SMYD1: variants seen among roughly 807,000 people sequenced by gnomAD.
The protein encoded by SMYD1 is histone-lysine N-methyltransferase SMYD1.
SMYD1 carries 49 observed loss-of-function variants against 54.0 expected under a neutral mutation model. The ratio of observed to expected loss-of-function variants is 0.91; its 90% CI spans 0.72 to 1.15. The LOEUF (loss-of-function observed/expected upper bound fraction) is 1.15. SMYD1 is among the 50% of genes most tolerant of loss of function. SMYD1 has a pLI of 0.00. For missense variants in SMYD1, 653 were observed against 639.6 expected (o/e 1.02, Z -0.23); for synonymous variants, 269 against 234.2 (o/e 1.15, Z -1.36).
chr2:88,073,819 A>AT (rs1446979120), intron 1 of SMYD1, among the ~76,000 whole-genome samples: 1 of 152,148 alleles, frequency 6.6e-6, no homozygotes, highest in Non-Finnish European at 1.5e-5. Flanking sequence ...TTTAACTTGA[A>AT]TTTTTTATTA....
At chr2:88,098,742 C>G (rs760671344) in intron 6 of SMYD1, among the ~76,000 whole-genome samples, 44 of 152,176 alleles carry the variant, frequency 2.9e-4, no homozygotes, top group Admixed American at 9.2e-4. Flanking sequence ...CCTCAGTTTC[C>G]TCATCTGTAA....
rs370679886 is a variant in SMYD1, at chr2:88,112,845, A to C, written c.*2333A>C. The C allele has an allele frequency of 6.6e-6, 1 of 152,290 alleles. No homozygotes were observed. The highest frequency in any genetic ancestry group is 1.9e-4 in the East Asian group (1 of 5,166). The allele number at this position is 152,290 out of a possible 1,614,324, so 9.4% of individuals were successfully genotyped here. A position where few individuals can be genotyped will look rare whatever the true frequency, so the allele number is the denominator to read the frequency against. On this transcript the variant is annotated 3_prime_UTR_variant, in exon 10 of 10. Transcript: ENST00000419482. The stretch of plus-strand genomic sequence containing the variant: ...GGTCCTTTTTCTTTCCCTGCCCCTG[A>C]CATATTGACATTTCCTGGAGTTGGT...
At chr2:88,084,144 C>A (rs1674263692) in intron 1 of SMYD1, among the ~76,000 whole-genome samples, 172 bp from the exon 2 acceptor site, 1 of 152,104 alleles carries the variant, frequency 6.6e-6, no homozygotes, top group Non-Finnish European at 1.5e-5. Flanking sequence ...ATTGTTATAG[C>A]TGGGAAGGGC....
chr2:88,094,445 T>C (rs1674530937), intron 5 of SMYD1, among the ~76,000 whole-genome samples: 1 of 151,976 alleles, frequency 6.6e-6, no homozygotes, highest in Non-Finnish European at 1.5e-5. Flanking sequence ...GTAGAAGGGG[T>C]CTGGGGTCCA....
intron 1 of SMYD1, among the ~76,000 whole-genome samples, chr2:88,073,892 C>T (rs1396305688): frequency 1.3e-5 from 2 of 152,020 alleles, no homozygotes; most frequent in Non-Finnish European, 2.9e-5. Context: ...TTTTGATGCC[C>T]TCAATTTTTA....
Position 88,110,511 on chromosome 2 carries a change from G to A in SMYD1, c.1472G>A (p.Ter491=). 1 of 1,575,210 alleles carries A rather than the reference G, an allele frequency of 6.3e-7. No individual in the cohort carries two copies. Among genetic ancestry groups the A allele is most frequent in the Non-Finnish European group, 8.6e-7 (1 of 1,159,314 alleles). ...CCAGCTCTGTTCCACAAGAAGCAATGAGGACTGCCCAGTGGAGGAGGGGCG... is the reference window on the plus strand; with the variant it reads ...CCAGCTCTGTTCCACAAGAAGCAATAAGGACTGCCCAGTGGAGGAGGGGCG... The part of the protein sequence containing the change: ...PSPALFHKKQ[*] The change falls in exon 10 of 10, where the codon TGA becomes TAA. Residue 491 remains the stop codon, a stop_retained_variant. Coordinates refer to ENST00000419482, the MANE Select transcript of SMYD1 (RefSeq NM_198274.4).
At chr2:88,093,198 T>C (rs911470336) in intron 4 of SMYD1, among the ~76,000 whole-genome samples, 4 of 152,216 alleles carry the variant, frequency 2.6e-5, no homozygotes, top group African/African-American at 9.7e-5. Context: ...TGCATGTTTT[T>C]CCAGCACTCT....
intron 1 of SMYD1, among the ~76,000 whole-genome samples, chr2:88,074,064 C>T (rs1439523852): frequency 6.6e-6 from 1 of 152,162 alleles, no homozygotes; most frequent in Non-Finnish European, 1.5e-5. Context: ...TGGGGTTTCA[C>T]TATGTTGCCA....
intron 1 of SMYD1, among the ~76,000 whole-genome samples, chr2:88,083,413 G>A (rs967670007): frequency 2.0e-5 from 3 of 152,036 alleles, no homozygotes; most frequent in Non-Finnish European, 2.9e-5. Context: ...GGAACACTAA[G>A]AGGCTGGAAG....
chr2:88,083,821 G>A lies in SMYD1; in HGVS notation c.138-495G>A, dbSNP rs538740577. Reference sequence around the variant, plus strand: ...CACTTAAAAATATTTGGTAGGCCAGGCGCGGTGGCTCATGCCTGTAATCCC... The same window carrying A: ...CACTTAAAAATATTTGGTAGGCCAGACGCGGTGGCTCATGCCTGTAATCCC... On this transcript the variant is annotated intron_variant, in intron 1 of 9. Transcript: ENST00000419482. Among the ~76,000 whole-genome samples the A allele has an allele frequency of 8.5e-5, 13 of 152,330 alleles. No homozygotes were observed. In the South Asian group the frequency reaches 2.7e-3, roughly 32 times the overall value.
chr2:88,079,409 A>G (rs934523490), intron 1 of SMYD1, among the ~76,000 whole-genome samples: 1 of 152,210 alleles, frequency 6.6e-6, no homozygotes, highest in Non-Finnish European at 1.5e-5. Flanking sequence ...CAGGCCAGAC[A>G]TATTCTTTCT....
At chr2:88,086,187 G>A (rs1674319488) in intron 2 of SMYD1, among the ~76,000 whole-genome samples, 1 of 152,164 alleles carries the variant, frequency 6.6e-6, no homozygotes, top group Admixed American at 6.5e-5. Context: ...GTTACCATTG[G>A]AGAAAACTGG....
rs1351287889 is a variant in SMYD1, at chr2:88,112,814, T to G, written c.*2302T>G. 1 of 152,414 alleles carries G rather than the reference T, an allele frequency of 6.6e-6. No homozygotes were observed. Among genetic ancestry groups the G allele is most frequent in the East Asian group, 1.9e-4 (1 of 5,196 alleles). The allele number at this position is 152,414 out of a possible 1,614,324, so 9.4% of individuals were successfully genotyped here. ...CTTCTGATCTAGTTTCTCAGGTTCC[T>G]TCGCTGGTCCTTTTTCTTTCCCTGC... On this transcript the variant is annotated 3_prime_UTR_variant, in exon 10 of 10. Coordinates refer to ENST00000419482, the MANE Select transcript of SMYD1 (RefSeq NM_198274.4).
intron 1 of SMYD1, among the ~76,000 whole-genome samples, chr2:88,074,335 C>A (rs1674012100): frequency 6.6e-6 from 1 of 152,178 alleles, no homozygotes; most frequent in South Asian, 2.1e-4. Flanking sequence ...TGGCTCATGG[C>A]CCCCTTCCTG....
intron 1 of SMYD1, among the ~76,000 whole-genome samples, chr2:88,076,235 G>A (rs906334649): frequency 2.6e-5 from 4 of 152,094 alleles, no homozygotes; most frequent in Admixed American, 2.6e-4. Context: ...TTGTTTTTGA[G>A]ACAGAGTCTC....
intron 2 of SMYD1, 91 bp from the exon 3 acceptor site, chr2:88,087,771 A>G (rs1674366172): frequency 8.6e-7 from 1 of 1,166,916 alleles, no homozygotes; most frequent in South Asian, 1.6e-5. Context: ...TGGGCCCAAC[A>G]TTGTGCCTGG....
intron 1 of SMYD1, 38 bp from the exon 2 acceptor site, chr2:88,084,278 T>C (rs1274159788): frequency 6.6e-7 from 1 of 1,526,686 alleles, no homozygotes; most frequent in South Asian, 1.3e-5. Context: ...CCCTTTCCAC[T>C]GTGCTCCCAA....
At chr2:88,107,506 A>G (rs571026196) in intron 8 of SMYD1, among the ~76,000 whole-genome samples, 2 of 152,296 alleles carry the variant, frequency 1.3e-5, no homozygotes, top group East Asian at 3.9e-4. Context: ...GTACTCCCAA[A>G]TGCTGTGAGC....
chr2:88,074,811 A>G (rs925227489), intron 1 of SMYD1, among the ~76,000 whole-genome samples: 1 of 152,222 alleles, frequency 6.6e-6, no homozygotes, highest in African/African-American at 2.4e-5. Context: ...TAAATAAATT[A>G]CTGTCAACCA....
Sources: gnomAD v4.1 joint callset for allele counts (sites outside exome capture counted in the v4.1 genomes callset) on GRCh38, gnomAD v4.1.1 for gene constraint, MANE v1.5 for transcripts, NCBI Gene and HGNC (gene_info 2026-07-23, HGNC 2026-07-21) for gene names.